COG3: variants seen among roughly 807,000 people sequenced by gnomAD.
COG3 encodes component of oligomeric golgi complex 3.
A neutral mutation model predicts 114.1 loss-of-function variants in COG3; 32 were observed. The observed-to-expected ratio is 0.28, with a 90% CI of 0.21 to 0.38. COG3 has a LOEUF of 0.38. Ranked by LOEUF, COG3 falls within the 10% of genes least tolerant of loss-of-function variation. COG3 has a pLI of 1.00. For synonymous variants in COG3, 352 were observed against 365.7 expected, an observed-to-expected ratio of 0.96 and a Z score of 0.43; for missense variants, 813 against 973.2, an observed-to-expected ratio of 0.84 and a Z score of 2.19.
intron 5 of COG3, among the ~76,000 whole-genome samples, chr13:45,481,678 A>G (rs974554478): frequency 1.3e-5 from 2 of 152,184 alleles, no homozygotes; most frequent in African/African-American, 4.8e-5. Flanking sequence ...TTTAGTTTGA[A>G]GAAAAGTATA....
At chr13:45,481,944 CTGGT>C (rs1566245140) in intron 5 of COG3, among the ~76,000 whole-genome samples, 1 of 152,042 alleles carries the variant, frequency 6.6e-6, no homozygotes, top group Non-Finnish European at 1.5e-5. Flanking sequence ...AAATGATTGA[CTGGT>C]TGCATTTTAC....
At chr13:45,474,957 C>G (rs1298855317) in intron 1 of COG3, among the ~76,000 whole-genome samples, 1 of 136,674 alleles carries the variant, frequency 7.3e-6, no homozygotes, top group Non-Finnish European at 1.6e-5. Flanking sequence ...GTCTGTATGT[C>G]TATAAATAAA....
intron 1 of COG3, chr13:45,466,647 A>G (rs1017866836): frequency 3.3e-5 from 5 of 152,194 alleles, no homozygotes; most frequent in African/African-American, 1.2e-4. Context: ...GTCTGTTTAT[A>G]ATTGATTTGG....
intron 8 of COG3, among the ~76,000 whole-genome samples, chr13:45,488,417 T>C (rs983859168): frequency 6.6e-6 from 1 of 152,204 alleles, no homozygotes; most frequent in Non-Finnish European, 1.5e-5. Flanking sequence ...TTTGAGGTGG[T>C]GGATACTCTA....
At chr13:45,514,345 G>C (rs1871308349) in intron 16 of COG3, among the ~76,000 whole-genome samples, 1 of 152,024 alleles carries the variant, frequency 6.6e-6, no homozygotes, top group Non-Finnish European at 1.5e-5. Flanking sequence ...ATTTGTAGTA[G>C]AGACAGGGTT....
At chr13:45,525,129 C>A in intron 20 of COG3, 78 bp downstream of exon 20, 1 of 1,212,706 alleles carries the variant, frequency 8.2e-7, no homozygotes, top group Non-Finnish European at 1.2e-6. Flanking sequence ...ACTGTGACAG[C>A]TTGGAGTTGG....
chr13:45,495,943 G>T (rs768191947), intron 12 of COG3, among the ~76,000 whole-genome samples: 1 of 151,968 alleles, frequency 6.6e-6, no homozygotes, highest in Non-Finnish European at 1.5e-5. Context: ...ATTAAACAGA[G>T]TACTGCCCAG....
intron 20 of COG3, among the ~76,000 whole-genome samples, chr13:45,528,005 T>A (rs573478476): frequency 6.6e-6 from 1 of 152,168 alleles, no homozygotes; most frequent in East Asian, 1.9e-4. Flanking sequence ...AGCCTCTAGA[T>A]GTTTACATTT....
intron 1 of COG3, among the ~76,000 whole-genome samples, chr13:45,473,170 G>A (rs1198508682): frequency 6.6e-6 from 1 of 152,062 alleles, no homozygotes. Flanking sequence ...CACCCGGCCT[G>A]TTTCCTCTTG....
At chr13:45,533,935 A>G (rs2137938999) in intron 22 of COG3, among the ~76,000 whole-genome samples, 1 of 152,356 alleles carries the variant, frequency 6.6e-6, no homozygotes, top group South Asian at 2.1e-4. Context: ...GATGATCTGC[A>G]TCAGCAAAAC....
rs1216263670 is a variant in COG3 at position 45,464,995 on chromosome 13, C to T, written c.-42C>T. The T allele has an allele frequency of 6.5e-7, 1 of 1,538,470 alleles. No homozygotes were observed. The highest frequency in any genetic ancestry group is 2.0e-5 in the Admixed American group (1 of 50,454). Reference sequence around the variant, plus strand: ...TGGCCCAGGTCTCTCTGTCGGGGTCCCCTCCATCTCGCTGCTGCTGAAGGC... The same window carrying T: ...TGGCCCAGGTCTCTCTGTCGGGGTCTCCTCCATCTCGCTGCTGCTGAAGGC... On this transcript the variant is annotated 5_prime_UTR_variant, in exon 1 of 23. Coordinates refer to ENST00000349995, the MANE Select transcript of COG3 (RefSeq NM_031431.4).
intron 1 of COG3, among the ~76,000 whole-genome samples, chr13:45,471,930 G>A (rs3014945): frequency 0.71 from 107,411 of 151,948 alleles, 39,819 homozygotes; most frequent in Admixed American, 0.81. Flanking sequence ...ACAGGGTTTC[G>A]CCATGTTGGC....
intron 20 of COG3, 24 bp from the exon 21 acceptor site, chr13:45,529,767 C>A: frequency 6.3e-7 from 1 of 1,576,452 alleles, no homozygotes; most frequent in Non-Finnish European, 8.6e-7. Flanking sequence ...CTTTATGACA[C>A]TAATGAGGTT....
At chr13:45,488,025 C>G (rs749176920) in intron 8 of COG3, among the ~76,000 whole-genome samples, 6 of 152,082 alleles carry the variant, frequency 3.9e-5, no homozygotes, top group Non-Finnish European at 8.8e-5. Context: ...TATATATAAA[C>G]AATAAGATAC....
At chr13:45,480,866 A>G (rs755600649) in intron 4 of COG3, among the ~76,000 whole-genome samples, 1 of 152,204 alleles carries the variant, frequency 6.6e-6, no homozygotes, top group South Asian at 2.1e-4. Flanking sequence ...GCACCCAGCT[A>G]CTGACACTTT....
At position 45,536,495 on chromosome 13, in the gene COG3, A is replaced by G. The variant is rs528016285; in HGVS notation, c.*1764A>G. ...AATGATTATTTGTTTAAATCTGTACAGTTTTAAGTGTTCACTTATACAAAG... is the reference window on the plus strand; with the variant it reads ...AATGATTATTTGTTTAAATCTGTACGGTTTTAAGTGTTCACTTATACAAAG... On this transcript the variant is annotated 3_prime_UTR_variant, in exon 23 of 23. Transcript: ENST00000349995. 6.6e-6 allele frequency: 1 copy of G among 152,348 alleles called. No homozygotes were observed. The highest frequency in any genetic ancestry group is 6.5e-5 in the Admixed American group (1 of 15,292). The allele number at this position is 152,348 out of a possible 1,614,324, so 9.4% of individuals were successfully genotyped here.
At chr13:45,484,533 CATA>C (rs1322117177) in intron 7 of COG3, among the ~76,000 whole-genome samples, 3 of 151,908 alleles carry the variant, frequency 2.0e-5, no homozygotes, top group Admixed American at 6.6e-5. Flanking sequence ...CATGTGTAGC[CATA>C]ATAATATTTA....
At chr13:45,523,973 A>G (rs1170638268) in intron 19 of COG3, among the ~76,000 whole-genome samples, 1 of 152,204 alleles carries the variant, frequency 6.6e-6, no homozygotes, top group East Asian at 1.9e-4. Flanking sequence ...ATGAAGAGGG[A>G]TGGAGTGAGA....
At chr13:45,471,515 A>G (rs1885480600) in intron 1 of COG3, among the ~76,000 whole-genome samples, 1 of 152,202 alleles carries the variant, frequency 6.6e-6, no homozygotes, top group Non-Finnish European at 1.5e-5. Context: ...ATAAACCCAC[A>G]ATACATTGTT....
Sources: gnomAD v4.1 joint callset for allele counts (sites outside exome capture counted in the v4.1 genomes callset) on GRCh38, gnomAD v4.1.1 for gene constraint, MANE v1.5 for transcripts, NCBI Gene and HGNC (gene_info 2026-07-23, HGNC 2026-07-21) for gene names.